BAZ2B: variants seen among roughly 807,000 people sequenced by gnomAD.
The protein encoded by BAZ2B is bromodomain adjacent to zinc finger domain protein 2B.
A neutral mutation model predicts 246.0 loss-of-function variants in BAZ2B; 91 were observed. That is an observed-to-expected ratio of 0.37 (90% confidence interval 0.31 to 0.44). The LOEUF is 0.44. Ranked by LOEUF, BAZ2B falls within the 20% of genes least tolerant of loss-of-function variation. The pLI is 1.00. For synonymous variants in BAZ2B, 855 were observed against 860.0 expected (o/e 0.99, Z 0.10); for missense variants, 2,332 against 2,533.7 (o/e 0.92, Z 1.71).
intron 2 of BAZ2B, among the ~76,000 whole-genome samples, chr2:159,508,051 A>G (rs1026960757): frequency 1.3e-5 from 2 of 152,058 alleles, no homozygotes; most frequent in Non-Finnish European, 2.9e-5. Context: ...TTGTATTTTT[A>G]GCAGAGATGG....
intron 27 of BAZ2B, among the ~76,000 whole-genome samples, chr2:159,354,356 T>A (rs868144713): frequency 1.8e-4 from 28 of 152,022 alleles, no homozygotes; most frequent in African/African-American, 6.3e-4. Flanking sequence ...AAAAAAAATA[T>A]ATATATATTT....
intron 2 of BAZ2B, among the ~76,000 whole-genome samples, chr2:159,504,657 C>G (rs2082151827): frequency 6.6e-6 from 1 of 152,188 alleles, no homozygotes; most frequent in Non-Finnish European, 1.5e-5. Context: ...TTACTAAAAA[C>G]ACATCAATAC....
intron 34 of BAZ2B, among the ~76,000 whole-genome samples, chr2:159,330,149 C>T (rs561860034): frequency 4.1e-4 from 63 of 152,176 alleles, no homozygotes; most frequent in African/African-American, 1.4e-3. Context: ...GAAATATAGT[C>T]TAAAATATAA....
chr2:159,323,507 G>A (rs1396770948), intron 36 of BAZ2B, among the ~76,000 whole-genome samples: 1 of 151,612 alleles, frequency 6.6e-6, no homozygotes, highest in Non-Finnish European at 1.5e-5. Context: ...TATTTTGATA[G>A]AACAAACAAA....
the BAZ2B span, chr2:159,689,702 TG>T: frequency 5.1e-6 from 2 of 390,282 alleles, no homozygotes; most frequent in Non-Finnish European, 4.7e-6. Flanking sequence ...AAAGAAATCA[TG>T]GAGACGATAA....
Position 159,436,303 on chromosome 2 carries a change from G to C in BAZ2B, c.1293+2000C>G, listed in dbSNP as rs112824692. ...ACTTCCCATATATTGACACCAATAA[G>C]TTTTTAAAAATAGCCAAAGATTTCT... On this transcript the variant is annotated intron_variant, in intron 8 of 36. Coordinates refer to ENST00000392783, the MANE Select transcript of BAZ2B (RefSeq NM_013450.4). 4.3e-3 allele frequency among the ~76,000 whole-genome samples: 657 copies of C among 152,234 alleles called. 3 individuals are homozygous for C. Among genetic ancestry groups the C allele is most frequent in the African/African-American group, 0.015 (626 of 41,552 alleles).
intron 14 of BAZ2B, chr2:159,412,006 G>C: frequency 7.1e-6 from 7 of 981,938 alleles, no homozygotes; most frequent in Non-Finnish European, 8.5e-6. Flanking sequence ...CTGTTAAAAT[G>C]AGAATTTCCA....
chr2:159,638,118 A>G, the BAZ2B span, among the ~76,000 whole-genome samples: 1 of 152,220 alleles, frequency 6.6e-6, no homozygotes, highest in Non-Finnish European at 1.5e-5. Context: ...AAGTAAGAAA[A>G]AAGAACAAAA....
At chr2:159,651,302 G>A in the BAZ2B span, among the ~76,000 whole-genome samples, 2 of 152,164 alleles carry the variant, frequency 1.3e-5, no homozygotes, top group East Asian at 1.9e-4. Flanking sequence ...ATCAAGGGGA[G>A]TTAATAGTAG....
At chr2:159,335,054 GCATGCACCAC>G (rs1378766562) in intron 33 of BAZ2B, among the ~76,000 whole-genome samples, 1 of 152,034 alleles carries the variant, frequency 6.6e-6, no homozygotes. Flanking sequence ...GGGACTATCA[GCATGCACCAC>G]CATAACTGGC....
chr2:159,420,504 T>C (rs2068557365), intron 13 of BAZ2B, among the ~76,000 whole-genome samples: 1 of 152,312 alleles, frequency 6.6e-6, no homozygotes, highest in South Asian at 2.1e-4. Context: ...CTGGTAACAG[T>C]AGATATTCCA....
At chr2:159,590,280 A>AC (rs1195837461) in intron 1 of BAZ2B, among the ~76,000 whole-genome samples, 1 of 149,624 alleles carries the variant, frequency 6.7e-6, no homozygotes, top group Non-Finnish European at 1.5e-5. Flanking sequence ...AAAAAAAAAA[A>AC]AAAAAAAGTA....
At chr2:159,645,128 C>T in the BAZ2B span, among the ~76,000 whole-genome samples, 2 of 151,926 alleles carry the variant, frequency 1.3e-5, no homozygotes, top group African/African-American at 4.8e-5. Context: ...TAAAATTAGC[C>T]AGGCATGGTG....
At chr2:159,477,816 A>G (rs2078783298) in intron 3 of BAZ2B, among the ~76,000 whole-genome samples, 2 of 152,162 alleles carry the variant, frequency 1.3e-5, no homozygotes, top group Non-Finnish European at 2.9e-5. Flanking sequence ...AAAATTGAGG[A>G]TATTTTCACG....
chr2:159,462,711 T>C, intron 3 of BAZ2B: 1 of 1,395,366 alleles, frequency 7.2e-7, no homozygotes. Context: ...GTAGGTGGTG[T>C]GATGGTAAAC....
chr2:159,548,135 A>T (rs1014832303), intron 2 of BAZ2B, among the ~76,000 whole-genome samples: 16 of 152,312 alleles, frequency 1.1e-4, no homozygotes, highest in African/African-American at 3.8e-4. Flanking sequence ...AATTTTGAAG[A>T]TACTGTTCAA....
At chr2:159,412,210 T>G in intron 14 of BAZ2B, 125 bp downstream of exon 14, 1 of 1,043,232 alleles carries the variant, frequency 9.6e-7, no homozygotes, top group Non-Finnish European at 1.4e-6. Flanking sequence ...TTTCATTTTA[T>G]TCTAACACAA....
At chr2:159,428,603 G>A (rs947636944) in intron 11 of BAZ2B, among the ~76,000 whole-genome samples, 184 bp from the exon 12 acceptor site, 2 of 151,966 alleles carry the variant, frequency 1.3e-5, no homozygotes, top group African/African-American at 4.8e-5. Context: ...AATTCAACTA[G>A]AAAATTAATT....
chr2:159,620,291 GT>G (rs1696378075), upstream of BAZ2B, among the ~76,000 whole-genome samples: 1 of 152,128 alleles, frequency 6.6e-6, no homozygotes, highest in African/African-American at 2.4e-5. Context: ...GTTATATCTT[GT>G]TTCTGTTTCA....
Sources: gnomAD v4.1 joint callset for allele counts (sites outside exome capture counted in the v4.1 genomes callset) on GRCh38, gnomAD v4.1.1 for gene constraint, MANE v1.5 for transcripts, NCBI Gene and HGNC (gene_info 2026-07-23, HGNC 2026-07-21) for gene names.